Variants in BBOF1 observed in about 807,000 individuals in gnomAD.
The protein encoded by BBOF1 is basal body orientation factor 1, also known as basal body-orientation factor 1.
A neutral mutation model predicts 68.0 loss-of-function variants in BBOF1; 62 were observed. The observed-to-expected ratio is 0.91, with a 90% CI of 0.74 to 1.13. The LOEUF is 1.13. Ranked by LOEUF, BBOF1 falls within the 50% of genes most tolerant of loss-of-function variation. The pLI is 0.00. For missense variants in BBOF1, 534 were observed against 600.1 expected (o/e 0.89, Z 1.15); for synonymous variants, 208 against 198.8 (o/e 1.05, Z -0.39).
chr14:74,071,180 C>G (rs1301625276), intron 9 of BBOF1: 1 of 1,610,280 alleles, frequency 6.2e-7, no homozygotes, highest in Non-Finnish European at 8.5e-7. Flanking sequence ...TAGCCATATG[C>G]ATAAGGGCAG....
At position 74,065,064 on chromosome 14, in the gene BBOF1, G is replaced by A. The variant is rs2060438438; in HGVS notation, c.*365G>A. On this transcript the variant is annotated 3_prime_UTR_variant, in exon 12 of 12. Transcript: ENST00000394009. Reference sequence around the variant, plus strand: ...AACTTTCATTCCTGAGGAAGAAATGGGGCAATGTGGGAGGTCATGGGGGCA... The same window carrying A: ...AACTTTCATTCCTGAGGAAGAAATGAGGCAATGTGGGAGGTCATGGGGGCA... The A allele has an allele frequency of 7.1e-7, 1 of 1,400,046 alleles. No homozygotes were observed. The highest frequency in any genetic ancestry group is 1.0e-6 in the Non-Finnish European group (1 of 999,854). The allele number at this position is 1,400,046 out of a possible 1,614,324, so 86.7% of individuals were successfully genotyped here. A position where few individuals can be genotyped will look rare whatever the true frequency, so the allele number is the denominator to read the frequency against.
At chr14:74,063,670 A>T (rs530801420) in intron 11 of BBOF1, among the ~76,000 whole-genome samples, 169 of 151,562 alleles carry the variant, frequency 1.1e-3, no homozygotes, top group Middle Eastern at 6.8e-3. Flanking sequence ...ATTCGAGACC[A>T]GCCTGGCCAA....
chr14:74,071,810 G>A (rs2060553241), intron 9 of BBOF1: 1 of 1,526,602 alleles, frequency 6.6e-7, no homozygotes, highest in African/African-American at 1.4e-5. Flanking sequence ...CTATGTAAAG[G>A]AAGAAGCAAC....
Position 74,019,466 on chromosome 14 carries a change from TG to T in BBOF1, c.-9del, listed in dbSNP as rs980089401. 34 of 1,600,934 alleles carry T rather than the reference TG, an allele frequency of 2.1e-5. No individual in the cohort carries two copies. The highest frequency in any genetic ancestry group is 2.9e-5 in the Non-Finnish European group (34 of 1,173,816). On this transcript the variant is annotated 5_prime_UTR_variant, in exon 1 of 12. Transcript: ENST00000394009. ...TGGGCAACTACGACAGCGGAGCCCC[TG>T]GGGAAGCCAAGATGCCGTCGAAGGG...
intron 7 of BBOF1, 159 bp downstream of exon 7, chr14:74,048,233 A>G: frequency 3.3e-6 from 2 of 597,824 alleles, no homozygotes; most frequent in Non-Finnish European, 5.7e-6. Flanking sequence ...TTAAATACTC[A>G]ATCTTATAAT....
chr14:74,066,609 G>T, downstream of BBOF1: 1 of 1,223,906 alleles, frequency 8.2e-7, no homozygotes, highest in Non-Finnish European at 1.2e-6. Context: ...TAAGGTCTTA[G>T]TCATTAAGTA....
At chr14:74,025,020 A>T (rs1228871761) in intron 2 of BBOF1, among the ~76,000 whole-genome samples, 1 of 151,472 alleles carries the variant, frequency 6.6e-6, no homozygotes, top group South Asian at 2.1e-4. Flanking sequence ...CGCCCACCTC[A>T]CCCTCCCAAA....
chr14:74,024,666 A>G (rs1348837709), intron 2 of BBOF1, among the ~76,000 whole-genome samples: 2 of 151,952 alleles, frequency 1.3e-5, no homozygotes, highest in Non-Finnish European at 2.9e-5. Flanking sequence ...GGGTTTCGCC[A>G]TGTTGCCCAG....
At chr14:74,031,142 C>G (rs974908125) in intron 3 of BBOF1, among the ~76,000 whole-genome samples, 12 of 148,440 alleles carry the variant, frequency 8.1e-5, no homozygotes, top group Non-Finnish European at 1.6e-4. Flanking sequence ...GAGACAGGGT[C>G]TCCCTCTGTT....
intron 9 of BBOF1, 148 bp from the exon 10 acceptor site, chr14:74,056,758 A>G: frequency 1.6e-6 from 1 of 622,598 alleles, no homozygotes; most frequent in Non-Finnish European, 2.9e-6. Flanking sequence ...GCCTGTATCA[A>G]AACATCTCAC....
intron 2 of BBOF1, among the ~76,000 whole-genome samples, chr14:74,025,030 A>T (rs2059394215): frequency 6.6e-6 from 1 of 152,050 alleles, no homozygotes; most frequent in Non-Finnish European, 1.5e-5. Flanking sequence ...ACCCTCCCAA[A>T]GTGTTGGGAT....
Position 74,072,618 on chromosome 14 carries a change from AAAACAAACAAAC to A in BBOF1, n.1380-5562_1380-5551del. ...TGAAGAGCTTTACAGTTGGCTGAAA[AAAACAAACAAAC>A]AAACAAACAAACAAAAACATGAAAC... On this transcript the variant is annotated intron_variant and non_coding_transcript_variant, in intron 9 of 12. Transcript: ENST00000492026. 1.9e-6 allele frequency: 3 copies of A among 1,607,732 alleles called. 1 individual carries two copies. The highest frequency in any genetic ancestry group is 3.3e-4 in the Middle Eastern group (2 of 6,050).
At chr14:74,038,515 C>G (rs1205016916) in intron 4 of BBOF1, among the ~76,000 whole-genome samples, 1 of 151,962 alleles carries the variant, frequency 6.6e-6, no homozygotes, top group Non-Finnish European at 1.5e-5. Flanking sequence ...CTTATGGGAA[C>G]GAATAAGGTG....
chr14:74,064,551 G>C, intron 11 of BBOF1, 137 bp from the exon 12 acceptor site: 1 of 772,422 alleles, frequency 1.3e-6, no homozygotes, highest in South Asian at 1.5e-5. Context: ...AGATGGGGAA[G>C]AGGGTCACAC....
chr14:74,033,934 A>G, intron 3 of BBOF1, 94 bp from the exon 4 acceptor site: 1 of 762,570 alleles, frequency 1.3e-6, no homozygotes, highest in Non-Finnish European at 2.0e-6. Flanking sequence ...TTCTTCAAAG[A>G]AGATATGCAA....
intron 1 of BBOF1, among the ~76,000 whole-genome samples, chr14:74,022,666 G>A (rs765396727): frequency 1.3e-5 from 2 of 152,052 alleles, no homozygotes; most frequent in African/African-American, 4.8e-5. Flanking sequence ...CCAGGAAGAG[G>A]CACTTACTTA....
chr14:74,019,707 G>A (rs1484869742), intron 1 of BBOF1, among the ~76,000 whole-genome samples, 173 bp downstream of exon 1: 1 of 152,256 alleles, frequency 6.6e-6, no homozygotes, highest in African/African-American at 2.4e-5. Flanking sequence ...TCTACTATGT[G>A]TTCAGATTAT....
downstream of BBOF1, among the ~76,000 whole-genome samples, chr14:74,070,282 G>C (rs1056427654): frequency 1.3e-5 from 2 of 152,110 alleles, no homozygotes; most frequent in Non-Finnish European, 2.9e-5. Flanking sequence ...ACTTTGGGAG[G>C]CCGAGGCGGG....
At chr14:74,050,758 G>A (rs1179147398) in intron 8 of BBOF1, among the ~76,000 whole-genome samples, 1 of 152,090 alleles carries the variant, frequency 6.6e-6, no homozygotes, top group Non-Finnish European at 1.5e-5. Context: ...ATCCTGAGAT[G>A]AAATTCATAG....
Sources: gnomAD v4.1 joint callset for allele counts (sites outside exome capture counted in the v4.1 genomes callset) on GRCh38, gnomAD v4.1.1 for gene constraint, MANE v1.5 for transcripts, NCBI Gene and HGNC (gene_info 2026-07-23, HGNC 2026-07-21) for gene names.